PAX5: variants seen among roughly 807,000 people sequenced by gnomAD.
PAX5 encodes the protein paired box 5, also known as paired box protein Pax-5.
In PAX5, 9 loss-of-function variants were observed where a neutral mutation model predicts 43.7. That is an observed-to-expected ratio of 0.21 (90% CI 0.12 to 0.36). PAX5 has a LOEUF of 0.36. Among genes scored for constraint, PAX5 ranks in the 10% least tolerant of loss-of-function variants. PAX5 has a pLI of 1.00. For synonymous variants in PAX5, 228 were observed against 214.3 expected, an observed-to-expected ratio of 1.06 and a Z score of -0.56; for missense variants, 383 against 532.7, an observed-to-expected ratio of 0.72 and a Z score of 2.77.
At chr9:36,961,165 C>T (rs1399912161) in intron 6 of PAX5, among the ~76,000 whole-genome samples, 1 of 152,348 alleles carries the variant, frequency 6.6e-6, no homozygotes, top group South Asian at 2.1e-4. Context: ...TGCTCAGAAG[C>T]ACAAACCAGC....
chr9:37,023,530 G>A (rs1212441595), intron 1 of PAX5, among the ~76,000 whole-genome samples: 1 of 152,170 alleles, frequency 6.6e-6, no homozygotes, highest in Non-Finnish European at 1.5e-5. Flanking sequence ...AGGGCAGACT[G>A]GGCAGTGTTT....
At chr9:36,896,231 T>C (rs918289392) in intron 7 of PAX5, among the ~76,000 whole-genome samples, 1 of 152,114 alleles carries the variant, frequency 6.6e-6, no homozygotes, top group Non-Finnish European at 1.5e-5. Flanking sequence ...GTAAAGGGAC[T>C]GAGGCCCATC....
chr9:37,026,770 A>G (rs1840425653), intron 1 of PAX5: 1 of 970,800 alleles, frequency 1.0e-6, no homozygotes. Flanking sequence ...GAGGCGGGAA[A>G]TGGTGCTAGC....
At chr9:36,896,823 A>G (rs1827909739) in intron 7 of PAX5, among the ~76,000 whole-genome samples, 1 of 152,172 alleles carries the variant, frequency 6.6e-6, no homozygotes, top group Non-Finnish European at 1.5e-5. Flanking sequence ...AGGGGTAGGG[A>G]CGCCACTAAA....
chr9:36,909,018 T>G (rs1397119144), intron 7 of PAX5, among the ~76,000 whole-genome samples: 1 of 152,250 alleles, frequency 6.6e-6, no homozygotes, highest in East Asian at 1.9e-4. Context: ...TGCATTTTAA[T>G]TACGAAGATG....
intron 1 of PAX5, among the ~76,000 whole-genome samples, chr9:37,025,359 C>T (rs531176406): frequency 1.3e-5 from 2 of 151,882 alleles, no homozygotes; most frequent in Non-Finnish European, 2.9e-5. Flanking sequence ...CCAGCCGGGT[C>T]TCTGCTGCCT....
At chr9:37,016,717 T>C (rs1839419863) in intron 2 of PAX5, among the ~76,000 whole-genome samples, 1 of 152,242 alleles carries the variant, frequency 6.6e-6, no homozygotes, top group African/African-American at 2.4e-5. Context: ...AAATGACTAA[T>C]AATTTTGAAA....
rs1821826396 is a variant in PAX5, at chr9:36,838,828, G to A, written c.*1732C>T. On this transcript the variant is annotated 3_prime_UTR_variant, in exon 10 of 10. Transcript: ENST00000358127. ...GACCCTGCTGCACCAAGGCAGCCAAGGCTCAAAGAGGTGCAGGGTTTTGTC... is the reference window on the plus strand; with the variant it reads ...GACCCTGCTGCACCAAGGCAGCCAAAGCTCAAAGAGGTGCAGGGTTTTGTC... 1 of 233,320 alleles carries A rather than the reference G, an allele frequency of 4.3e-6. No individual in the cohort carries two copies. The highest frequency in any genetic ancestry group is 6.0e-5 in the East Asian group (1 of 16,572). The allele number at this position is 233,320 out of a possible 1,614,324, so 14.5% of individuals were successfully genotyped here.
chr9:36,972,316 G>T (rs963756061), intron 5 of PAX5, among the ~76,000 whole-genome samples: 3 of 152,220 alleles, frequency 2.0e-5, no homozygotes, highest in African/African-American at 7.2e-5. Context: ...GGAGCCAGCA[G>T]TCCCGGGTTC....
In PAX5 at chr9:36,836,797, G is replaced by A. The variant is rs1273928935; in HGVS notation, c.*3763C>T. 1 of 232,400 alleles carries A rather than the reference G, an allele frequency of 4.3e-6. No individual in the cohort carries two copies. The highest frequency in any genetic ancestry group is 2.2e-5 in the African/African-American group (1 of 45,396). 14.4% of individuals were successfully genotyped at this position (232,400 alleles called of 1,614,324 possible). A position where few individuals can be genotyped will look rare whatever the true frequency, so the allele number is the denominator to read the frequency against. On this transcript the variant is annotated 3_prime_UTR_variant, in exon 10 of 10. Coordinates refer to ENST00000358127, the MANE Select transcript of PAX5 (RefSeq NM_016734.3). The stretch of plus-strand genomic sequence containing the variant: ...CGAAGGCAAAGAAAGGGAAGTGGGG[G>A]ACAGCACATGACCTTGGCACCTGGA...
chr9:36,927,420 T>C (rs889132004), intron 6 of PAX5, among the ~76,000 whole-genome samples: 2 of 152,244 alleles, frequency 1.3e-5, no homozygotes, highest in African/African-American at 2.4e-5. Flanking sequence ...AATTTCCAGA[T>C]GGAAGAGGCT....
At chr9:36,930,406 T>C (rs1000601089) in intron 6 of PAX5, among the ~76,000 whole-genome samples, 6 of 151,648 alleles carry the variant, frequency 4.0e-5, no homozygotes, top group African/African-American at 1.5e-4. Flanking sequence ...ATTTAATTTT[T>C]TGTAGAGATG....
intron 8 of PAX5, among the ~76,000 whole-genome samples, chr9:36,869,871 GATAAATGGATGGATGGATGGATAA>G (rs1563914541): frequency 1.3e-4 from 15 of 113,308 alleles, no homozygotes; most frequent in African/African-American, 3.1e-4. Context: ...TGGATGGATG[GATAAATGGATGGATGGATGGATAA>G]ATGGATGGAT....
chr9:36,956,865 G>A (rs983065766), intron 6 of PAX5, among the ~76,000 whole-genome samples: 3 of 152,312 alleles, frequency 2.0e-5, no homozygotes. Flanking sequence ...CACTTCTAGA[G>A]ATCTAGGGAG....
intron 1 of PAX5, among the ~76,000 whole-genome samples, chr9:37,025,270 A>G (rs2132527526): frequency 6.6e-6 from 1 of 152,256 alleles, no homozygotes; most frequent in East Asian, 1.9e-4. Flanking sequence ...TGCCTACACA[A>G]GCTTTCCCCT....
At chr9:36,907,407 G>C (rs1237473584) in intron 7 of PAX5, among the ~76,000 whole-genome samples, 2 of 152,116 alleles carry the variant, frequency 1.3e-5, no homozygotes, top group Admixed American at 6.5e-5. Context: ...CATAGCATGG[G>C]GGAGGCCATA....
intron 5 of PAX5, among the ~76,000 whole-genome samples, chr9:36,988,830 C>T (rs1198676939): frequency 1.3e-5 from 2 of 152,126 alleles, no homozygotes; most frequent in African/African-American, 2.4e-5. Flanking sequence ...TGAAACTTGC[C>T]ATGTGCCAGT....
chr9:36,874,699 G>T (rs932948110), intron 8 of PAX5, among the ~76,000 whole-genome samples: 1 of 152,100 alleles, frequency 6.6e-6, no homozygotes, highest in South Asian at 2.1e-4. Context: ...CTCCTACTTG[G>T]CAGTGCTCTC....
chr9:36,922,827 C>A (rs909778281), intron 7 of PAX5: 2 of 154,340 alleles, frequency 1.3e-5, no homozygotes, highest in African/African-American at 4.8e-5. Context: ...ACCTCCAGGA[C>A]CCACACTCCC....
Sources: gnomAD v4.1 joint callset for allele counts (sites outside exome capture counted in the v4.1 genomes callset) on GRCh38, gnomAD v4.1.1 for gene constraint, MANE v1.5 for transcripts, NCBI Gene and HGNC (gene_info 2026-07-23, HGNC 2026-07-21) for gene names.